Variants in RNF213 observed in about 807,000 individuals in gnomAD.
RNF213 encodes the protein ring finger protein 213.
A neutral mutation model predicts 514.4 loss-of-function variants in RNF213; 341 were observed. The observed-to-expected ratio is 0.66, with a 90% CI of 0.61 to 0.73. RNF213 has a LOEUF of 0.73. Among genes scored for constraint, RNF213 ranks in the 30% least tolerant of loss-of-function variants. The pLI, the probability that RNF213 is intolerant of heterozygous loss-of-function variation, is 0.00. For missense variants in RNF213, 5,767 were observed against 6,615.6 expected (o/e 0.87, Z 4.45); for synonymous variants, 2,655 against 2,658.2 (o/e 1.00, Z 0.04).
At position 80,388,653 on chromosome 17, in the gene RNF213, A is replaced by G. The variant is rs1391041527; in HGVS notation, c.14964A>G (p.Glu4988=). ...TLVYRHDWNY[E]HLFMDIKNKM... Reference sequence around the variant, plus strand: ...TGTACAGACACGACTGGAACTATGAACATCTCTTTATGGACATCAAGAACA... The same window carrying G: ...TGTACAGACACGACTGGAACTATGAGCATCTCTTTATGGACATCAAGAACA... Residue 4988 remains glutamate, a synonymous_variant, in exon 64 of 68, where the codon GAA becomes GAG. Transcript: ENST00000582970. 6.2e-7 allele frequency: 1 copy of G among 1,613,082 alleles called. No homozygotes were observed. The highest frequency in any genetic ancestry group is 2.2e-5 in the East Asian group (1 of 44,888).
rs2045976214 is a variant in RNF213, at chr17:80,317,193, G to A, written c.2817G>A (p.Trp939Ter). 6.2e-7 allele frequency: 1 copy of A among 1,611,896 alleles called. No homozygotes were observed. ...SFTYVKEIEV[W>*]RRLVEIQFPA... ...CCTGTGTGCGGGTTTTGCAGGTCTG[G>A]AGGCGGCTGGTGGAAATCCAATTCC... Residue 939 changes from tryptophan to a stop codon, truncating the protein, a stop_gained, in exon 16 of 68, where the codon TGG becomes TGA. Transcript: ENST00000582970. LOFTEE classifies it high-confidence loss of function. This position sits in a 1 kb window ranked among gnomAD's most constrained non-coding sequence, Gnocchi z 4.1.
At chr17:80,351,437 G>C (rs2078508097) in intron 31 of RNF213, among the ~76,000 whole-genome samples, 1 of 152,252 alleles carries the variant, frequency 6.6e-6, no homozygotes, top group Admixed American at 6.5e-5. Context: ...CTTCAAAGCA[G>C]AGGACACAGG....
chr17:80,354,792 G>T, intron 36 of RNF213: 1 of 608,708 alleles, frequency 1.6e-6, no homozygotes. Context: ...CTAATTTCGT[G>T]TTTACAGTTT....
intron 6 of RNF213, 54 bp downstream of exon 6, chr17:80,289,891 AC>A (rs1307694065): frequency 6.6e-7 from 1 of 1,525,650 alleles, no homozygotes; most frequent in Non-Finnish European, 8.9e-7. Flanking sequence ...AGCCCGGCAC[AC>A]CCTCTCCCTG....
rs577289660 is a variant in RNF213 at position 80,288,984 on chromosome 17, G to A, written c.933+229G>A. Among the ~76,000 whole-genome samples the A allele has an allele frequency of 6.6e-6, 1 of 152,266 alleles. No homozygotes were observed. Among genetic ancestry groups the A allele is most frequent in the East Asian group, 1.9e-4 (1 of 5,154 alleles). On this transcript the variant is annotated intron_variant, in intron 5 of 67. Transcript: ENST00000582970. This position sits in a 1 kb window ranked among gnomAD's most constrained non-coding sequence, Gnocchi z 4.9. ...GAGAGAGGGCACCCAGGTGGGCCCC[G>A]AGGTACCATGGCACCCACAGCCCGA...
At chr17:80,290,208 G>T (rs941241269) in intron 6 of RNF213, among the ~76,000 whole-genome samples, 1 of 152,228 alleles carries the variant, frequency 6.6e-6, no homozygotes, top group Non-Finnish European at 1.5e-5. Flanking sequence ...CTCCATGGGG[G>T]GTGGTGTGTC....
intron 23 of RNF213, 32 bp from the exon 24 acceptor site, chr17:80,337,554 G>A (rs549220949): frequency 7.0e-5 from 107 of 1,534,172 alleles, no homozygotes; most frequent in African/African-American, 4.9e-4. Flanking sequence ...CGCTCCAACC[G>A]TGGCCCGTGT....
At chr17:80,309,274 G>A (rs1598977792) in intron 14 of RNF213, 103 bp downstream of exon 14, 1 of 1,385,406 alleles carries the variant, frequency 7.2e-7, no homozygotes, top group Non-Finnish European at 1.0e-6. Flanking sequence ...GTGCTGGGAT[G>A]AGATGGAGCG....
chr17:80,374,844 C>G lies in RNF213; in HGVS notation c.13074+255C>G, dbSNP rs188207064. 1.7e-3 allele frequency: 843 copies of G among 493,800 alleles called. 3 individuals are homozygous for G. Among genetic ancestry groups the G allele is most frequent in the Non-Finnish European group, 2.7e-3 (713 of 268,106 alleles). 30.6% of individuals were successfully genotyped at this position (493,800 alleles called of 1,614,324 possible). ...GCTGTGTCTTGCTGATCTGCCAAGT[C>G]CATCAGCAGCGCCTTTTGATTTATG... On this transcript the variant is annotated intron_variant, in intron 50 of 67. Transcript: ENST00000582970.
intron 3 of RNF213, among the ~76,000 whole-genome samples, chr17:80,280,264 T>C (rs2044211915): frequency 6.6e-6 from 1 of 152,134 alleles, no homozygotes; most frequent in Non-Finnish European, 1.5e-5. Flanking sequence ...GATGGATTCA[T>C]AGGCCATGCG....
At position 80,332,590 on chromosome 17, in the gene RNF213, C is replaced by T; in HGVS notation, c.4102C>T (p.Leu1368=). The T allele has an allele frequency of 6.6e-7, 1 of 1,524,364 alleles. No individual in the cohort carries two copies. Among genetic ancestry groups the T allele is most frequent in the African/African-American group, 1.4e-5 (1 of 72,546 alleles). The allele number at this position is 1,524,364 out of a possible 1,614,324, so 94.4% of individuals were successfully genotyped here. ...CTTGCAGGTCAAAGAGAGCCTGGGA[C>T]TGAACGGTGACTTCAGTGTTCTCAA... ...VILQVKESLG[L]NGDFSVLNTL... The change falls in exon 21 of 68, where the codon CTG becomes TTG. Residue 1368 remains leucine, a synonymous_variant. Coordinates refer to ENST00000582970, the MANE Select transcript of RNF213 (RefSeq NM_001256071.3).
chr17:80,315,339 C>A (rs1367997942), intron 15 of RNF213, among the ~76,000 whole-genome samples: 3 of 80,088 alleles, frequency 3.7e-5, no homozygotes, highest in African/African-American at 8.9e-5. Flanking sequence ...GGTGGAGGTA[C>A]TAGAGGTGAT....
Position 80,390,213 on chromosome 17 carries a change from C to T in RNF213, c.15470+17C>T. 1.9e-6 allele frequency: 3 copies of T among 1,612,988 alleles called. No homozygotes were observed. Among genetic ancestry groups the T allele is most frequent in the Non-Finnish European group, 2.5e-6 (3 of 1,179,304 alleles). ...TCAGTGGAGGTATGGATTTGCACAC[C>T]TATGGGGCGGGGCAGACACAATGTT... On this transcript the variant is annotated intron_variant, in intron 67 of 67. Coordinates refer to ENST00000582970, the MANE Select transcript of RNF213 (RefSeq NM_001256071.3).
intron 41 of RNF213, 93 bp downstream of exon 41, chr17:80,363,883 G>C: frequency 7.9e-7 from 1 of 1,272,684 alleles, no homozygotes; most frequent in South Asian, 1.3e-5. Flanking sequence ...AAGACGGGCA[G>C]GTGCTCCTGC....
intron 10 of RNF213, among the ~76,000 whole-genome samples, chr17:80,296,551 T>C (rs1045356784): frequency 5.3e-5 from 8 of 152,198 alleles, no homozygotes; most frequent in African/African-American, 1.7e-4. Context: ...GGCCTTTGAC[T>C]TGGTACCTGC....
chr17:80,281,463 A>ACCCCACTCACACACACC (rs1473365589), intron 3 of RNF213, among the ~76,000 whole-genome samples: 1 of 89,158 alleles, frequency 1.1e-5, no homozygotes, highest in South Asian at 4.1e-4. Flanking sequence ...CACCCCACTC[A>ACCCCACTCACACACACC]CAACACTCAC....
intron 36 of RNF213, among the ~76,000 whole-genome samples, chr17:80,356,325 C>T (rs2078818802): frequency 6.6e-6 from 1 of 152,140 alleles, no homozygotes; most frequent in Admixed American, 6.5e-5. Context: ...GAATCCCTGA[C>T]TCCACTCCCC....
chr17:80,385,144 A>G lies in RNF213; in HGVS notation c.14428A>G (p.Arg4810Gly), dbSNP rs370932670. ...NVQQVEYSSI[R>G]GFLSKHSSDG... ...CCAGCAAGTTGAATACAGCTCCATC[A>G]GAGGCTTCCTCAGCAAGCACAGCTC... The change falls in exon 60 of 68, where the codon AGA becomes GGA. Residue 4810 changes from arginine (R) to glycine (G), a missense_variant. Arg to Gly is a moderately radical substitution (Grantham distance 125). Around this residue, in one of 13 missense-constraint regions of RNF213, gnomAD observed 1,245 missense variants for 1,339.0 expected, o/e 0.93. Transcript: ENST00000582970. 25 of 1,614,188 alleles carry G rather than the reference A, an allele frequency of 1.5e-5. No individual in the cohort carries two copies. The East Asian group carries it at 2.5e-4, about 16-fold the overall frequency.
At chr17:80,294,232 C>T (rs1415021360) in intron 8 of RNF213, among the ~76,000 whole-genome samples, 5 of 152,192 alleles carry the variant, frequency 3.3e-5, no homozygotes, top group African/African-American at 7.2e-5. Flanking sequence ...ATGCCAAGGG[C>T]CATCTGTGCC....
Sources: allele counts gnomAD v4.1 joint callset (sites outside exome capture counted in the v4.1 genomes callset), GRCh38; gene constraint gnomAD v4.1.1; regional missense constraint gnomAD v4.1.1; non-coding constraint Gnocchi (gnomAD v3.1); transcripts MANE v1.5; gene names NCBI Gene and HGNC (gene_info 2026-07-23, HGNC 2026-07-21).